The following ZNF469 variants were observed in gnomAD, a reference collection of about 807,000 sequenced individuals.
ZNF469 encodes the protein zinc finger protein 469.
Under a neutral mutation model 1.0 loss-of-function variants are expected in ZNF469, and 1 was observed. The observed-to-expected ratio is 1.00, with a 90% CI of 0.35 to 4.73. The LOEUF (loss-of-function observed/expected upper bound fraction) is 4.73. ZNF469 is among the 30% of genes most tolerant of loss of function. ZNF469 has a pLI of 0.16. For synonymous variants in ZNF469, 2,703 were observed against 2,363.4 expected (o/e 1.14, Z -4.17); for missense variants, 6,100 against 5,356.3 (o/e 1.14, Z -4.33).
chr16:88,398,740 AAGGG>A (rs1473418765), intron 1 of ZNF469, among the ~76,000 whole-genome samples: 1 of 152,044 alleles, frequency 6.6e-6, no homozygotes, highest in Non-Finnish European at 1.5e-5. Context: ...GTCCCAGAGG[AAGGG>A]ACACATGGGC....
At chr16:88,235,721 A>G in the ZNF469 span, among the ~76,000 whole-genome samples, 1 of 152,238 alleles carries the variant, frequency 6.6e-6, no homozygotes, top group Non-Finnish European at 1.5e-5. Context: ...GCTGAAAAAA[A>G]CATCTAACTC....
chr16:88,149,327 C>T, the ZNF469 span, among the ~76,000 whole-genome samples: 3 of 152,110 alleles, frequency 2.0e-5, no homozygotes, highest in Non-Finnish European at 2.9e-5. Flanking sequence ...GAGTGCTGGG[C>T]GGGAGAGATT....
the ZNF469 span, among the ~76,000 whole-genome samples, chr16:88,375,110 C>T: frequency 1.3e-5 from 2 of 152,234 alleles, no homozygotes; most frequent in Non-Finnish European, 2.9e-5. Flanking sequence ...GGTTGATGGT[C>T]TCTCAGGCTT....
the ZNF469 span, among the ~76,000 whole-genome samples, chr16:88,365,951 G>A: frequency 1.3e-5 from 2 of 152,148 alleles, no homozygotes; most frequent in Non-Finnish European, 2.9e-5. Flanking sequence ...TGGTGACAGT[G>A]CCCCCTGCAG....
rs1358015025 is a variant in ZNF469, at chr16:88,429,800, C to G, written c.2330C>G (p.Pro777Arg). Residue 777 changes from proline (P) to arginine (R), a missense_variant, in exon 3 of 3, where the codon CCC (proline) becomes CGC (arginine). Transcript: ENST00000565624. ...SPGPPGLPSP[P>R]AAPRVPADAH... is the part of the protein sequence containing the mutation. ...GGCCCCCCTGGGCTCCCCTCGCCCC[C>G]CGCTGCCCCCAGAGTCCCTGCCGAC... The G allele has an allele frequency of 6.5e-7, 1 of 1,545,228 alleles. No homozygotes were observed. The highest frequency in any genetic ancestry group is 8.7e-7 in the Non-Finnish European group (1 of 1,144,308).
chr16:88,172,689 A>G, the ZNF469 span, among the ~76,000 whole-genome samples: 3 of 152,256 alleles, frequency 2.0e-5, no homozygotes, highest in African/African-American at 7.2e-5. Flanking sequence ...CAAGGATGCT[A>G]AACAGCTATT....
chr16:88,131,562 T>A, the ZNF469 span, among the ~76,000 whole-genome samples: 1 of 152,210 alleles, frequency 6.6e-6, no homozygotes, highest in Admixed American at 6.5e-5. Context: ...TCTCTCATAG[T>A]CAGGCAGAGA....
the ZNF469 span, among the ~76,000 whole-genome samples, chr16:88,287,966 C>G: frequency 6.6e-6 from 1 of 152,188 alleles, no homozygotes; most frequent in African/African-American, 2.4e-5. Context: ...TGTTTGCTTG[C>G]TTTTCTGTGC....
At chr16:88,168,997 C>T in the ZNF469 span, among the ~76,000 whole-genome samples, 1 of 152,048 alleles carries the variant, frequency 6.6e-6, no homozygotes, top group Non-Finnish European at 1.5e-5. This position sits in a 1 kb window ranked among gnomAD's most constrained non-coding sequence, Gnocchi z 4.3. Context: ...GTAGGGAGGA[C>T]GCCATCTGGA....
At chr16:88,127,490 A>G in the ZNF469 span, among the ~76,000 whole-genome samples, 3 of 152,222 alleles carry the variant, frequency 2.0e-5, no homozygotes, top group Admixed American at 6.5e-5. Context: ...ATTTCTCAAT[A>G]CTTGCATTGC....
At chr16:88,114,539 C>T in the ZNF469 span, among the ~76,000 whole-genome samples, 1 of 152,198 alleles carries the variant, frequency 6.6e-6, no homozygotes, top group Non-Finnish European at 1.5e-5. Flanking sequence ...GAGATTGGAT[C>T]AGGGAACGCG....
In ZNF469 at chr16:88,434,997, C is replaced by T; in HGVS notation, c.7527C>T (p.Ala2509=). 1 of 1,550,314 alleles carries T rather than the reference C, an allele frequency of 6.5e-7. No homozygotes were observed. Residue 2509 remains alanine (A), a synonymous_variant, in exon 3 of 3, where the codon GCC becomes GCT. Transcript: ENST00000565624. ...PGAPAEPSPA[A]LPAQQPLEPL... Reference sequence around the variant, plus strand: ...CCCCCGCGGAGCCGAGCCCAGCGGCCTTGCCTGCTCAGCAGCCTCTAGAGC... The same window carrying T: ...CCCCCGCGGAGCCGAGCCCAGCGGCTTTGCCTGCTCAGCAGCCTCTAGAGC...
the ZNF469 span, among the ~76,000 whole-genome samples, chr16:88,263,310 C>T: frequency 1.3e-5 from 2 of 152,224 alleles, no homozygotes; most frequent in African/African-American, 2.4e-5. Flanking sequence ...TCAACAGATG[C>T]ATATGAGGCC....
chr16:88,104,657 G>A, the ZNF469 span, among the ~76,000 whole-genome samples: 1 of 152,244 alleles, frequency 6.6e-6, no homozygotes, highest in East Asian at 1.9e-4. Flanking sequence ...CACCACCCCA[G>A]ATGTTCTTGT....
chr16:88,216,357 G>A, the ZNF469 span, among the ~76,000 whole-genome samples: 39 of 152,160 alleles, frequency 2.6e-4, no homozygotes, highest in East Asian at 4.1e-3. Context: ...AGCCGGGCGC[G>A]GTGGTGGGTG....
At chr16:88,191,009 T>C in the ZNF469 span, among the ~76,000 whole-genome samples, 15,643 of 151,340 alleles carry the variant, frequency 0.1, 1,126 homozygotes, top group Admixed American at 0.2. Context: ...TCATTTGTTA[T>C]AGCAGTGCTA....
chr16:88,164,714 C>G, the ZNF469 span, among the ~76,000 whole-genome samples: 3 of 152,172 alleles, frequency 2.0e-5, no homozygotes. Flanking sequence ...GGCTGGCCAT[C>G]AGGGCAGGGG....
chr16:88,370,942 C>T, the ZNF469 span, among the ~76,000 whole-genome samples: 1 of 152,218 alleles, frequency 6.6e-6, no homozygotes, highest in Admixed American at 6.5e-5. Flanking sequence ...GTGAGCCAGG[C>T]TACCTGCTGG....
At chr16:88,201,193 G>C in the ZNF469 span, among the ~76,000 whole-genome samples, 1 of 152,270 alleles carries the variant, frequency 6.6e-6, no homozygotes, top group Non-Finnish European at 1.5e-5. The surrounding 1 kb of genome is among the most constrained non-coding windows in gnomAD (Gnocchi z 5.0). Context: ...GAACGGGGCA[G>C]AAGGTGAATG....
Sources: allele counts gnomAD v4.1 joint callset (sites outside exome capture counted in the v4.1 genomes callset), GRCh38; gene constraint gnomAD v4.1.1; non-coding constraint Gnocchi (gnomAD v3.1); transcripts MANE v1.5; gene names NCBI Gene and HGNC (gene_info 2026-07-23, HGNC 2026-07-21).